AASDH: variants seen among roughly 807,000 people sequenced by gnomAD.
AASDH encodes aminoadipate-semialdehyde dehydrogenase.
AASDH carries 81 observed loss-of-function variants against 102.3 expected under a neutral mutation model. The ratio of observed to expected loss-of-function variants is 0.79; its 90% confidence interval spans 0.66 to 0.95. The LOEUF (loss-of-function observed/expected upper bound fraction) is 0.95. Among genes scored for constraint, AASDH ranks in the 40% least tolerant of loss-of-function variants. The probability of loss-of-function intolerance (pLI) is 0.00; values close to 1 mark genes in which losing one functional copy is unlikely to be tolerated. For missense variants in AASDH, 1,203 were observed against 1,266.2 expected, an observed-to-expected ratio of 0.95 and a Z score of 0.76; for synonymous variants, 398 against 454.0, an observed-to-expected ratio of 0.88 and a Z score of 1.57.
Position 56,342,834 on chromosome 4 carries a change from C to T in AASDH, c.2907+1G>A. On this transcript the variant is annotated splice_donor_variant, in intron 14 of 14. Coordinates refer to ENST00000205214, the MANE Select transcript of AASDH (RefSeq NM_181806.4). LOFTEE classifies it high-confidence loss of function. Reference sequence around the variant, plus strand: ...ATATAAAAAATTTCTAGTTCTATTACCTGTTCTCCAAAGTGAGTAAAGCAG... The same window carrying T: ...ATATAAAAAATTTCTAGTTCTATTATCTGTTCTCCAAAGTGAGTAAAGCAG... 7.3e-7 allele frequency: 1 copy of T among 1,367,054 alleles called. No homozygotes were observed. The highest frequency in any genetic ancestry group is 1.5e-5 in the African/African-American group (1 of 66,972). 84.7% of individuals were successfully genotyped at this position (1,367,054 alleles called of 1,614,324 possible).
chr4:56,377,550 C>A (rs961516162), intron 4 of AASDH, among the ~76,000 whole-genome samples: 4 of 152,204 alleles, frequency 2.6e-5, no homozygotes, highest in African/African-American at 9.7e-5. Context: ...CTGCTAGTAC[C>A]TCTGCTAGGA....
chr4:56,382,357 A>G (rs780346426), intron 3 of AASDH, 120 bp downstream of exon 3: 1 of 987,056 alleles, frequency 1.0e-6, no homozygotes, highest in Non-Finnish European at 1.5e-6. Flanking sequence ...GTCATAGTGC[A>G]AAGACTGAGA....
Position 56,349,958 on chromosome 4 carries a change from T to C in AASDH, c.1793A>G (p.Glu598Gly), listed in dbSNP as rs1748808191. The change falls in exon 11 of 15, where the codon GAG (glutamate) becomes GGG (glycine). Residue 598 changes from glutamate (E) to glycine (G), a missense_variant. By Grantham distance (98) the Glu-to-Gly change is moderately conservative (BLOSUM62 -2). Transcript: ENST00000205214. ...TGATGTACCAACAAGTTTTTCAATC[T>C]CACTGAGGAGCCGGATGGACTTTAA... Reference protein sequence around the residue: ...DSLKSIRLLSEIEKLVGTSVP... With the variant: ...DSLKSIRLLSGIEKLVGTSVP... The C allele has an allele frequency of 2.5e-6, 4 of 1,613,760 alleles. No homozygotes were observed. The South Asian group carries it at 3.3e-5, about 13-fold the overall frequency.
chr4:56,362,875 G>T (rs973850520), intron 5 of AASDH, among the ~76,000 whole-genome samples: 6 of 152,156 alleles, frequency 3.9e-5, no homozygotes, highest in Non-Finnish European at 7.4e-5. Context: ...ACTGGGGAGT[G>T]CCGGACAGTG....
At chr4:56,383,722 CAT>C (rs1292844788) in intron 2 of AASDH, among the ~76,000 whole-genome samples, 1 of 152,110 alleles carries the variant, frequency 6.6e-6, no homozygotes. Context: ...GGACAAAAAA[CAT>C]AGTCATGTTA....
At chr4:56,343,741 A>G (rs1747987353) in intron 12 of AASDH, 57 bp from the exon 13 acceptor site, 1 of 1,516,950 alleles carries the variant, frequency 6.6e-7, no homozygotes. Context: ...AATCCATATA[A>G]CCTACCCTTC....
Position 56,345,136 on chromosome 4 carries a change from T to C in AASDH, c.2643A>G (p.Leu881=), listed in dbSNP as rs765210298. Residue 881 remains leucine (L), a synonymous_variant, in exon 12 of 15, where the codon TTA becomes TTG. Coordinates refer to ENST00000205214, the MANE Select transcript of AASDH (RefSeq NM_181806.4). The stretch of plus-strand genomic sequence containing the variant: ...TGAGGTCAATCCTTACATAAATATC[T>C]AAAGCATATGCGTGCTGGTCATGAG... ...IGSHDQHAYA[L]DIYRKKCVWK... The C allele has an allele frequency of 2.2e-5, 36 of 1,613,852 alleles. No individual in the cohort carries two copies. The highest frequency in any genetic ancestry group is 1.1e-4 in the African/African-American group (8 of 74,894).
intron 5 of AASDH, among the ~76,000 whole-genome samples, chr4:56,365,056 AG>A (rs1464591349): frequency 6.6e-6 from 1 of 152,218 alleles, no homozygotes; most frequent in Non-Finnish European, 1.5e-5. Context: ...AAAAAAAGGC[AG>A]GGGTTGCAAT....
At chr4:56,368,082 A>C (rs1327085331) in intron 5 of AASDH, among the ~76,000 whole-genome samples, 2 of 152,236 alleles carry the variant, frequency 1.3e-5, no homozygotes, top group Admixed American at 6.5e-5. Flanking sequence ...ACTTCTCAAA[A>C]GAAGACATTT....
At position 56,384,119 on chromosome 4, in the gene AASDH, T is replaced by C. The variant is rs34543011; in HGVS notation, c.181A>G (p.Ile61Val). 47,942 of 1,614,092 alleles carry C rather than the reference T, an allele frequency of 0.03. 1,716 individuals carry two copies. Among genetic ancestry groups the C allele is most frequent in the East Asian group, 0.22 (9,645 of 44,860 alleles). ...ATCCCAGGTTGGCAGTAGAGACCAA[T>C]TTCCCGAATTCCTTGAAAGTCACAG... ...LHCDFQGIRE[I>V]GLYCQPGIDL... The change falls in exon 2 of 15, where the codon ATT (isoleucine) becomes GTT (valine). Residue 61 changes from isoleucine to valine, a missense_variant. By Grantham distance (29) the Ile-to-Val change is conservative (BLOSUM62 3). Transcript: ENST00000205214.
In AASDH at chr4:56,345,175, G is replaced by A. The variant is rs551169068; in HGVS notation, c.2604C>T (p.Leu868=). ...SSATMDPTTG[L]IYIGSHDQHA... is the part of the protein sequence containing the mutation. ...GCTGGTCATGAGATCCAATGTAAAT[G>A]AGTCCTGTGGTTGGATCCATGGTTG... is the stretch of plus-strand genomic sequence containing the variant. The change falls in exon 12 of 15, where the codon CTC becomes CTT. Residue 868 remains leucine, a synonymous_variant. Transcript: ENST00000205214. 8 of 1,614,072 alleles carry A rather than the reference G, an allele frequency of 5.0e-6. No individual in the cohort carries two copies. In the East Asian group the frequency reaches 1.3e-4, roughly 27 times the overall value.
intron 11 of AASDH, among the ~76,000 whole-genome samples, chr4:56,347,013 C>T (rs1467465437): frequency 6.6e-6 from 1 of 151,124 alleles, no homozygotes; most frequent in Admixed American, 6.6e-5. Flanking sequence ...TGCACTCCAG[C>T]CTGGGTGACA....
chr4:56,370,423 C>G (rs533250543), intron 5 of AASDH, among the ~76,000 whole-genome samples: 2 of 151,892 alleles, frequency 1.3e-5, no homozygotes, highest in African/African-American at 2.4e-5. Flanking sequence ...AAAGAAAAAA[C>G]AAAAGAAAAG....
At chr4:56,371,719 G>A in intron 4 of AASDH, 76 bp from the exon 5 acceptor site, 1 of 1,305,128 alleles carries the variant, frequency 7.7e-7, no homozygotes, top group Non-Finnish European at 1.0e-6. Flanking sequence ...GTGTTCATGT[G>A]TTTATGATGA....
rs142069641 is a variant in AASDH at position 56,351,539 on chromosome 4, A to G, written c.1577-82T>C. On this transcript the variant is annotated intron_variant, in intron 9 of 14. Coordinates refer to ENST00000205214, the MANE Select transcript of AASDH (RefSeq NM_181806.4). The stretch of plus-strand genomic sequence containing the variant: ...GCCTTTATATATTCATTAGCCATAT[A>G]CATTTTTCTTTGTACAACACAGAAA... 1.8e-5 allele frequency: 14 copies of G among 760,016 alleles called. No homozygotes were observed. The African/African-American group carries it at 2.1e-4, about 12-fold the overall frequency. 47.1% of individuals were successfully genotyped at this position (760,016 alleles called of 1,614,324 possible).
intron 7 of AASDH, 52 bp downstream of exon 7, chr4:56,354,653 T>C (rs749898335): frequency 6.2e-6 from 8 of 1,298,430 alleles, no homozygotes; most frequent in Admixed American, 6.1e-5. Context: ...AATTAACACA[T>C]CAGATCATTT....
At chr4:56,350,391 T>C (rs866274646) in intron 10 of AASDH, among the ~76,000 whole-genome samples, 1 of 151,894 alleles carries the variant, frequency 6.6e-6, no homozygotes, top group South Asian at 2.1e-4. Context: ...GGGGTGGAGG[T>C]TGCAGTGAGC....
chr4:56,338,633 T>C lies in AASDH; in HGVS notation c.3066A>G (p.Ala1022=), dbSNP rs747946884. Reference sequence around the variant, plus strand: ...TGTAGTTATGGAAAGCAAACGGTGTTGCATAGACCCTTGAAGTAGTTTCAA... The same window carrying C: ...TGTAGTTATGGAAAGCAAACGGTGTCGCATAGACCCTTGAAGTAGTTTCAA... ...WKFETTSRVY[A]TPFAFHNYNG... The change falls in exon 15 of 15, where the codon GCA becomes GCG. Residue 1022 remains alanine, a synonymous_variant. Transcript: ENST00000205214. The C allele has an allele frequency of 4.3e-6, 7 of 1,614,212 alleles. No homozygotes were observed. The highest frequency in any genetic ancestry group is 3.3e-4 in the Middle Eastern group (2 of 6,062).
In AASDH at chr4:56,349,656, A is replaced by G. The variant is rs531912075; in HGVS notation, c.2095T>C (p.Leu699=). The G allele has an allele frequency of 1.2e-6, 2 of 1,614,178 alleles. No homozygotes were observed. The highest frequency in any genetic ancestry group is 1.1e-5 in the South Asian group (1 of 91,076). Residue 699 remains leucine (L), a synonymous_variant, in exon 11 of 15, where the codon TTA becomes CTA. Transcript: ENST00000205214. The part of the protein sequence containing the change: ...SLNSTRFLTK[L]GHCSSACPSD... ...GGACAGGCTGAAGAGCAATGTCCTA[A>G]CTTTGTTAAAAACCTAGTGGAATTC...
Sources: gnomAD v4.1 joint callset for allele counts (sites outside exome capture counted in the v4.1 genomes callset) on GRCh38, gnomAD v4.1.1 for gene constraint, MANE v1.5 for transcripts, NCBI Gene and HGNC (gene_info 2026-07-23, HGNC 2026-07-21) for gene names.